Variants in UGT2B10 observed in about 807,000 individuals in gnomAD.
UGT2B10 encodes UDP glucuronosyltransferase family 2 member B10, also known as UDP-glucuronosyltransferase 2B10.
A neutral mutation model predicts 43.7 loss-of-function variants in UGT2B10; 51 were observed. That is an observed-to-expected ratio of 1.17 (90% CI 0.93 to 1.47). The LOEUF (loss-of-function observed/expected upper bound fraction) is 1.47, where lower values mean the gene tolerates loss of function less well. Ranked by LOEUF, UGT2B10 falls within the 40% of genes most tolerant of loss-of-function variation. UGT2B10 has a pLI of 0.00. For synonymous variants in UGT2B10, 225 were observed against 209.0 expected, an observed-to-expected ratio of 1.08 and a Z score of -0.66; for missense variants, 696 against 617.7, an observed-to-expected ratio of 1.13 and a Z score of -1.34.
chr4:68,818,307 A>G lies in UGT2B10; in HGVS notation c.867+130A>G, dbSNP rs1458134112. ...AGTAGGTGGGGTAAAGCAGATACCA[A>G]TTAGAAACTCATGTACATGTTAATA... On this transcript the variant is annotated intron_variant, in intron 2 of 5. Coordinates refer to ENST00000265403, the MANE Select transcript of UGT2B10 (RefSeq NM_001075.6). 4 of 1,484,346 alleles carry G rather than the reference A, an allele frequency of 2.7e-6. No individual in the cohort carries two copies. The East Asian group carries it at 9.4e-5, about 35-fold the overall frequency. The allele number at this position is 1,484,346 out of a possible 1,614,324, so 91.9% of individuals were successfully genotyped here.
chr4:68,820,977 A>C (rs564227821), intron 2 of UGT2B10, among the ~76,000 whole-genome samples: 1 of 152,304 alleles, frequency 6.6e-6, no homozygotes, highest in Admixed American at 6.5e-5. Context: ...GCATCAAGCC[A>C]GTAAGATGAA....
intron 2 of UGT2B10, among the ~76,000 whole-genome samples, chr4:68,819,029 G>T (rs936024748): frequency 2.6e-5 from 4 of 151,844 alleles, no homozygotes; most frequent in African/African-American, 9.7e-5. Flanking sequence ...ATTTTCCATG[G>T]ATTCAGGTAG....
chr4:68,816,736 A>C lies in UGT2B10; in HGVS notation c.717A>C (p.Leu239Phe). Residue 239 changes from leucine to phenylalanine, a missense_variant and splice_region_variant, in exon 1 of 6, where the codon TTA (leucine) becomes TTC (phenylalanine). Transcript: ENST00000265403. The stretch of plus-strand genomic sequence containing the variant: ...GGGATCAGTTTTACAGTGAAGTTTT[A>C]GGTAAGATTTTTTTCAATTAGTAAC... ...KKWDQFYSEV[L>F]GRPTTLSETM... is the part of the protein sequence containing the mutation. 4 of 1,585,892 alleles carry C rather than the reference A, an allele frequency of 2.5e-6. No homozygotes were observed. Among genetic ancestry groups the C allele is most frequent in the Non-Finnish European group, 3.4e-6 (4 of 1,167,934 alleles).
chr4:68,828,501 T>C (rs1450735804), intron 5 of UGT2B10, among the ~76,000 whole-genome samples: 1 of 151,830 alleles, frequency 6.6e-6, no homozygotes, highest in African/African-American at 2.4e-5. Flanking sequence ...TGGGAAATAA[T>C]TGAATAGAAA....
chr4:68,821,499 G>A (rs1156804349), intron 2 of UGT2B10, among the ~76,000 whole-genome samples: 6 of 152,050 alleles, frequency 3.9e-5, no homozygotes, highest in South Asian at 2.1e-4. Flanking sequence ...AGGGCAATAC[G>A]TGCTCCACCT....
intron 4 of UGT2B10, 120 bp downstream of exon 4, chr4:68,826,617 T>C (rs1737795475): frequency 1.6e-6 from 2 of 1,256,448 alleles, no homozygotes; most frequent in African/African-American, 1.6e-5. Context: ...AACTTCTTTA[T>C]ATTTATTTTC....
intron 3 of UGT2B10, among the ~76,000 whole-genome samples, chr4:68,824,130 T>A (rs114189985): frequency 0.043 from 6,562 of 152,328 alleles, 203 homozygotes; most frequent in Middle Eastern, 0.071. Context: ...CTCAGATACT[T>A]CCTCTACATT....
intron 2 of UGT2B10, among the ~76,000 whole-genome samples, chr4:68,821,559 A>G (rs990840404): frequency 6.6e-6 from 1 of 152,196 alleles, no homozygotes; most frequent in Non-Finnish European, 1.5e-5. Context: ...TATAAACTGT[A>G]CAATTCTGTA....
In UGT2B10 at chr4:68,827,404, C is replaced by T. The variant is rs1299861861; in HGVS notation, c.1163C>T (p.Pro388Leu). The change falls in exon 5 of 6, where the codon CCT becomes CTT. Residue 388 changes from proline (P) to leucine (L), a missense_variant. Transcript: ENST00000265403. ...GIYEAIYHGI[P>L]MVGIPLFFDQ... is the part of the protein sequence containing the mutation. ...TATGAGGCAATCTACCATGGGATCC[C>T]TATGGTGGGCATTCCATTGTTTTTT... is the stretch of plus-strand genomic sequence containing the variant. 2 of 1,613,472 alleles carry T rather than the reference C, an allele frequency of 1.2e-6. No individual in the cohort carries two copies. The highest frequency in any genetic ancestry group is 3.3e-5 in the Admixed American group (2 of 59,952).
At chr4:68,827,831 A>G (rs1225901405) in intron 5 of UGT2B10, among the ~76,000 whole-genome samples, 2 of 151,948 alleles carry the variant, frequency 1.3e-5, no homozygotes, top group Non-Finnish European at 2.9e-5. Context: ...ATTTGACATA[A>G]TGAATCCATA....
intron 1 of UGT2B10, among the ~76,000 whole-genome samples, chr4:68,816,953 C>G (rs1302058142): frequency 6.6e-6 from 1 of 151,606 alleles, no homozygotes; most frequent in African/African-American, 2.4e-5. Context: ...TACAGAACAC[C>G]CCAGGAAATC....
At chr4:68,818,860 T>G (rs1336433541) in intron 2 of UGT2B10, among the ~76,000 whole-genome samples, 1 of 151,852 alleles carries the variant, frequency 6.6e-6, no homozygotes, top group East Asian at 1.9e-4. Flanking sequence ...CAGATACGTA[T>G]TAGGAGTTGA....
chr4:68,825,834 T>A (rs1737745430), intron 3 of UGT2B10, among the ~76,000 whole-genome samples: 1 of 152,116 alleles, frequency 6.6e-6, no homozygotes, highest in African/African-American at 2.4e-5. Flanking sequence ...GAACAAGTTA[T>A]AGTCCTTTGG....
At chr4:68,829,840 G>A (rs948392182) in intron 5 of UGT2B10, among the ~76,000 whole-genome samples, 6 of 151,966 alleles carry the variant, frequency 3.9e-5, no homozygotes, top group Non-Finnish European at 8.8e-5. Context: ...AACAATGTAG[G>A]GTTCTGTAGA....
At chr4:68,816,884 C>T (rs1286685688) in intron 1 of UGT2B10, 147 bp downstream of exon 1, 8 of 785,042 alleles carry the variant, frequency 1.0e-5, no homozygotes, top group Non-Finnish European at 1.6e-5. Flanking sequence ...ACCAATCTCA[C>T]AAATATTATA....
chr4:68,828,376 T>C (rs572707588), intron 5 of UGT2B10, among the ~76,000 whole-genome samples: 2 of 152,110 alleles, frequency 1.3e-5, no homozygotes, highest in South Asian at 2.1e-4. Flanking sequence ...GTTGTTCATT[T>C]ATCAGTTCAT....
At chr4:68,816,922 A>G (rs1243545607) in intron 1 of UGT2B10, among the ~76,000 whole-genome samples, 185 bp downstream of exon 1, 1 of 151,838 alleles carries the variant, frequency 6.6e-6, no homozygotes, top group African/African-American at 2.4e-5. Flanking sequence ...GGGTCAGTGA[A>G]AACGCTGTGA....
Position 68,816,286 on chromosome 4 carries a change from C to T in UGT2B10, c.267C>T (p.Ile89=). The change falls in exon 1 of 6, where the codon ATC becomes ATT. Residue 89 remains isoleucine, a synonymous_variant. Coordinates refer to ENST00000265403, the MANE Select transcript of UGT2B10 (RefSeq NM_001075.6). ...CTAAAACTGAATTTGAGAATATCAT[C>T]ATGCAATTGGTTAAGAGATTGTCAG... The part of the protein sequence containing the change: ...SLTKTEFENI[I]MQLVKRLSEI... The T allele has an allele frequency of 6.2e-7, 1 of 1,613,096 alleles. No individual in the cohort carries two copies. The highest frequency in any genetic ancestry group is 8.5e-7 in the Non-Finnish European group (1 of 1,179,430).
At chr4:68,830,099 T>A (rs1400391607) in intron 5 of UGT2B10, among the ~76,000 whole-genome samples, 1 of 152,060 alleles carries the variant, frequency 6.6e-6, no homozygotes, top group Non-Finnish European at 1.5e-5. Context: ...ACATCTTTCT[T>A]GCAGCACTTA....
Sources: allele counts gnomAD v4.1 joint callset (sites outside exome capture counted in the v4.1 genomes callset), GRCh38; gene constraint gnomAD v4.1.1; transcripts MANE v1.5; gene names NCBI Gene and HGNC (gene_info 2026-07-23, HGNC 2026-07-21).